Variants in FHIT observed in about 807,000 individuals in gnomAD.
FHIT encodes the protein bis(5'-adenosyl)-triphosphatase.
Under a neutral mutation model 17.9 loss-of-function variants are expected in FHIT, and 19 were observed. The ratio of observed to expected loss-of-function variants is 1.06; its 90% CI spans 0.74 to 1.56. FHIT has a LOEUF of 1.56. Ranked by LOEUF, FHIT falls within the 40% of genes most tolerant of loss-of-function variation. The probability of loss-of-function intolerance (pLI) is 0.00; values close to 1 mark genes in which losing one functional copy is unlikely to be tolerated. For synonymous variants in FHIT, 81 were observed against 69.7 expected (o/e 1.16, Z -0.81); for missense variants, 248 against 189.2 (o/e 1.31, Z -1.82).
chr3:60,976,651 C>A (rs1181330499), intron 3 of FHIT, among the ~76,000 whole-genome samples: 1 of 152,092 alleles, frequency 6.6e-6, no homozygotes, highest in Non-Finnish European at 1.5e-5. Context: ...CTTAATGAAC[C>A]CTTGAGAAGG....
intron 8 of FHIT, 119 bp from the exon 9 acceptor site, chr3:59,752,440 C>A (rs1222432237): frequency 1.6e-6 from 1 of 613,474 alleles, no homozygotes. Flanking sequence ...GTAGGTGTAT[C>A]TTTTAATTGT....
At chr3:61,072,556 T>C (rs1010706497) in intron 2 of FHIT, among the ~76,000 whole-genome samples, 1 of 152,116 alleles carries the variant, frequency 6.6e-6, no homozygotes, top group Admixed American at 6.5e-5. Flanking sequence ...TAGCCAAACT[T>C]GGACCATTAG....
At chr3:60,945,184 C>A (rs1182783841) in intron 3 of FHIT, among the ~76,000 whole-genome samples, 3 of 151,856 alleles carry the variant, frequency 2.0e-5, no homozygotes, top group Non-Finnish European at 4.4e-5. Context: ...CAAAGGCATA[C>A]AAATATCTCG....
chr3:61,161,959 G>A (rs1164020189), intron 2 of FHIT, among the ~76,000 whole-genome samples: 2 of 152,120 alleles, frequency 1.3e-5, no homozygotes, highest in East Asian at 1.9e-4. Context: ...GAGAAAAAAC[G>A]GGATGATTTT....
chr3:60,381,804 G>A (rs1470676669), intron 5 of FHIT, among the ~76,000 whole-genome samples: 2 of 131,862 alleles, frequency 1.5e-5, no homozygotes, highest in East Asian at 3.3e-4. Flanking sequence ...ATAGTGTGAT[G>A]ATAATGGCTC....
intron 2 of FHIT, among the ~76,000 whole-genome samples, chr3:61,110,925 T>C (rs980602303): frequency 1.3e-5 from 2 of 152,180 alleles, no homozygotes; most frequent in Non-Finnish European, 2.9e-5. Context: ...ACAATATTCC[T>C]ATTTCTTAAG....
At chr3:60,625,743 G>C (rs1294582070) in intron 4 of FHIT, among the ~76,000 whole-genome samples, 3 of 152,108 alleles carry the variant, frequency 2.0e-5, no homozygotes, top group Non-Finnish European at 4.4e-5. Flanking sequence ...TTTAATGCTT[G>C]TGTCTTTTTC....
At chr3:60,533,454 G>C (rs753145603) in intron 5 of FHIT, among the ~76,000 whole-genome samples, 4 of 152,338 alleles carry the variant, frequency 2.6e-5, no homozygotes, top group East Asian at 1.9e-4. Flanking sequence ...GACAGAAATA[G>C]GGATGCACGT....
In FHIT at chr3:60,087,389, A is replaced by C. The variant is rs75562022; in HGVS notation, c.104-73237T>G. On this transcript the variant is annotated intron_variant, in intron 5 of 9. Transcript: ENST00000492590. ...CTAATCTCTTTAGCAATTTCACTGG[A>C]CTGGGCAATAGCATTGGATTCCTCT... is the stretch of plus-strand genomic sequence containing the variant. Among the ~76,000 whole-genome samples, 354 of 152,246 alleles carry C rather than the reference A, an allele frequency of 2.3e-3. 3 individuals carry two copies. The highest frequency in any genetic ancestry group is 3.4e-3 in the Middle Eastern group (1 of 294).
At chr3:60,320,579 G>C (rs1214132077) in intron 5 of FHIT, among the ~76,000 whole-genome samples, 4 of 152,144 alleles carry the variant, frequency 2.6e-5, no homozygotes, top group Non-Finnish European at 5.9e-5. Context: ...GAGAAAAATG[G>C]TATGCTCTGA....
chr3:60,190,480 G>C (rs1702351351), intron 5 of FHIT, among the ~76,000 whole-genome samples: 1 of 152,106 alleles, frequency 6.6e-6, no homozygotes, highest in African/African-American at 2.4e-5. Context: ...TGGGCACGGT[G>C]GCTCACACCT....
chr3:60,485,786 T>A (rs746708218), intron 5 of FHIT, among the ~76,000 whole-genome samples: 10 of 152,234 alleles, frequency 6.6e-5, no homozygotes, highest in Middle Eastern at 3.4e-3. Flanking sequence ...AAATTTTTTT[T>A]AAATAAAGAA....
intron 4 of FHIT, among the ~76,000 whole-genome samples, chr3:60,674,133 C>G (rs2040570590): frequency 6.6e-6 from 1 of 152,068 alleles, no homozygotes; most frequent in African/African-American, 2.4e-5. Context: ...ACAATTTCTA[C>G]TGATCTGTCT....
intron 5 of FHIT, among the ~76,000 whole-genome samples, chr3:60,426,546 TC>T (rs1702674569): frequency 6.6e-6 from 1 of 152,132 alleles, no homozygotes. Context: ...CTGCTCACAT[TC>T]ATTCATTCCC....
chr3:60,368,041 T>C (rs1700179193), intron 5 of FHIT, among the ~76,000 whole-genome samples: 1 of 152,178 alleles, frequency 6.6e-6, no homozygotes. Context: ...TTATCTATGC[T>C]TTTGATGGAC....
intron 4 of FHIT, among the ~76,000 whole-genome samples, chr3:60,557,267 G>T (rs1157217298): frequency 1.3e-5 from 2 of 152,104 alleles, no homozygotes; most frequent in Non-Finnish European, 2.9e-5. Flanking sequence ...ATGTGACACT[G>T]GTCTCCTCCC....
intron 4 of FHIT, among the ~76,000 whole-genome samples, chr3:60,759,028 C>T (rs782141779): frequency 3.3e-5 from 5 of 152,102 alleles, no homozygotes; most frequent in East Asian, 1.9e-4. Context: ...CATGAGATGA[C>T]GAGGTGTGGG....
intron 1 of FHIT, among the ~76,000 whole-genome samples, chr3:61,207,536 G>A (rs2039287260): frequency 6.6e-6 from 1 of 152,062 alleles, no homozygotes; most frequent in African/African-American, 2.4e-5. Flanking sequence ...CTTCTTTCTG[G>A]TTTAGTCTTG....
At chr3:60,346,749 G>A (rs1710801279) in intron 5 of FHIT, among the ~76,000 whole-genome samples, 1 of 152,108 alleles carries the variant, frequency 6.6e-6, no homozygotes, top group Non-Finnish European at 1.5e-5. Flanking sequence ...AACAAGATGT[G>A]CAAGATGAGT....
Sources: allele counts gnomAD v4.1 joint callset (sites outside exome capture counted in the v4.1 genomes callset), GRCh38; gene constraint gnomAD v4.1.1; transcripts MANE v1.5; gene names NCBI Gene and HGNC (gene_info 2026-07-23, HGNC 2026-07-21).